Variants in CHLSN observed in about 807,000 individuals in gnomAD.
The protein encoded by CHLSN is protein cholesin.
At chr7:1,022,883 T>C in the CHLSN span, 2 of 394,446 alleles carry the variant, frequency 5.1e-6, no homozygotes, top group East Asian at 1.5e-4. Context: ...CAGGGGCTGC[T>C]ACAAAGCGCG....
At chr7:1,124,587 T>A in the CHLSN span, among the ~76,000 whole-genome samples, 1 of 121,422 alleles carries the variant, frequency 8.2e-6, no homozygotes, top group East Asian at 2.9e-4. Context: ...GGGGGAGGGA[T>A]AGCATTGGGA....
chr7:1,020,408 G>C, the CHLSN span, among the ~76,000 whole-genome samples: 1 of 152,148 alleles, frequency 6.6e-6, no homozygotes, highest in Non-Finnish European at 1.5e-5. Context: ...GGGCCCCAGA[G>C]AGGAGCCCCC....
At chr7:1,036,443 GGGTGCTCGTGGTGTGGCCGTGTA>G in the CHLSN span, among the ~76,000 whole-genome samples, 1 of 126,528 alleles carries the variant, frequency 7.9e-6, no homozygotes, top group Non-Finnish European at 1.9e-5. Flanking sequence ...TGTAGGGTTC[GGGTGCTCGTGGTGTGGCCGTGTA>G]GGGTTCGGGT....
chr7:986,124 C>T, the CHLSN span, among the ~76,000 whole-genome samples: 3 of 152,184 alleles, frequency 2.0e-5, no homozygotes, highest in South Asian at 6.2e-4. Context: ...ACCACAGAGA[C>T]GCCGCGTGGA....
chr7:1,118,252 C>T, the CHLSN span, among the ~76,000 whole-genome samples: 1 of 152,166 alleles, frequency 6.6e-6, no homozygotes, highest in African/African-American at 2.4e-5. Flanking sequence ...AAAGTCCTAG[C>T]CGTTGCTAGA....
At chr7:1,078,435 C>T in the CHLSN span, among the ~76,000 whole-genome samples, 2 of 152,150 alleles carry the variant, frequency 1.3e-5, no homozygotes, top group African/African-American at 2.4e-5. Context: ...AAGGGGGCCC[C>T]GTGAGACCTG....
At chr7:1,107,397 T>C in the CHLSN span, among the ~76,000 whole-genome samples, 2 of 152,206 alleles carry the variant, frequency 1.3e-5, no homozygotes, top group Non-Finnish European at 2.9e-5. Context: ...AGCCAGTGAC[T>C]GTGGAACCAC....
At chr7:1,072,357 C>A in the CHLSN span, among the ~76,000 whole-genome samples, 1 of 152,378 alleles carries the variant, frequency 6.6e-6, no homozygotes, top group South Asian at 2.1e-4. Flanking sequence ...CCTGCACACA[C>A]GCAGTGGGGC....
chr7:1,014,796 C>T, the CHLSN span, among the ~76,000 whole-genome samples: 3,681 of 151,788 alleles, frequency 0.024, 144 homozygotes, highest in African/African-American at 0.083. Flanking sequence ...CCGCCGGCCA[C>T]GGCAGCGATC....
chr7:990,779 G>A, the CHLSN span, among the ~76,000 whole-genome samples: 49 of 152,108 alleles, frequency 3.2e-4, no homozygotes, highest in Non-Finnish European at 5.1e-4. Flanking sequence ...AAAACTTGAA[G>A]GGCAGAAAGA....
the CHLSN span, among the ~76,000 whole-genome samples, chr7:994,415 C>T: frequency 1.3e-5 from 2 of 152,050 alleles, no homozygotes; most frequent in Non-Finnish European, 2.9e-5. Flanking sequence ...CACCTTGGCC[C>T]CCCCCAAAGT....
the CHLSN span, among the ~76,000 whole-genome samples, chr7:981,180 C>T: frequency 6.6e-6 from 1 of 151,768 alleles, no homozygotes; most frequent in African/African-American, 2.4e-5. Flanking sequence ...CCTGTAATCC[C>T]AGCTACCCGG....
chr7:1,036,704 C>A, the CHLSN span, among the ~76,000 whole-genome samples: 1 of 121,574 alleles, frequency 8.2e-6, no homozygotes, highest in African/African-American at 2.6e-5. Context: ...GGGAAGATGG[C>A]GGCTGCTCCT....
the CHLSN span, chr7:1,057,737 G>A: frequency 1.3e-6 from 1 of 775,394 alleles, no homozygotes; most frequent in Non-Finnish European, 2.4e-6. Context: ...TGGCAGGCCT[G>A]GTGCTCAGCG....
the CHLSN span, among the ~76,000 whole-genome samples, chr7:1,063,191 G>A: frequency 6.6e-6 from 1 of 152,190 alleles, no homozygotes; most frequent in Non-Finnish European, 1.5e-5. Flanking sequence ...ACTGCCAGCT[G>A]ACCCCGGCCA....
the CHLSN span, chr7:1,127,338 G>C: frequency 1.2e-6 from 2 of 1,609,722 alleles, no homozygotes; most frequent in Non-Finnish European, 8.5e-7. Flanking sequence ...TCAGCTTTTT[G>C]TTCTTTTTCT....
chr7:997,852 C>T, the CHLSN span: 1 of 1,507,672 alleles, frequency 6.6e-7, no homozygotes, highest in Non-Finnish European at 9.1e-7. Context: ...CAGGGAGGGG[C>T]CGCTGAACAG....
chr7:1,059,353 A>C, the CHLSN span: 1 of 153,582 alleles, frequency 6.5e-6, no homozygotes, highest in African/African-American at 2.4e-5. Flanking sequence ...TGGGAGGGCC[A>C]GGGTGGAACC....
chr7:1,093,106 G>C, the CHLSN span: 1 of 661,150 alleles, frequency 1.5e-6, no homozygotes. Context: ...GGGTCCAAAG[G>C]CCAGCGGTGA....
Sources: allele counts gnomAD v4.1 joint callset (sites outside exome capture counted in the v4.1 genomes callset), GRCh38; gene constraint gnomAD v4.1.1; transcripts MANE v1.5; gene names NCBI Gene and HGNC (gene_info 2026-07-23, HGNC 2026-07-21).